Variants in ARHGEF4 observed in about 807,000 individuals in gnomAD.
ARHGEF4 encodes APC-stimulated guanine nucleotide exchange factor 1.
A neutral mutation model predicts 162.0 loss-of-function variants in ARHGEF4; 119 were observed. The observed-to-expected ratio is 0.73, with a 90% CI of 0.63 to 0.86. The LOEUF is 0.86. ARHGEF4 is among the 40% of genes least tolerant of loss of function. The probability of loss-of-function intolerance (pLI) is 0.00; values close to 1 mark genes in which losing one functional copy is unlikely to be tolerated. For missense variants in ARHGEF4, 2,488 were observed against 2,456.0 expected, an observed-to-expected ratio of 1.01 and a Z score of -0.28; for synonymous variants, 1,014 against 979.9, an observed-to-expected ratio of 1.03 and a Z score of -0.65.
chr2:130,976,265 A>G (rs1558794466), intron 4 of ARHGEF4, among the ~76,000 whole-genome samples: 1 of 152,030 alleles, frequency 6.6e-6, no homozygotes, highest in Non-Finnish European at 1.5e-5. Context: ...AGTGTGGTTA[A>G]ACATCGCAGA....
Position 130,915,025 on chromosome 2 carries a change from G to T in ARHGEF4, c.1079G>T (p.Gly360Val), listed in dbSNP as rs776334645. The change falls in exon 2 of 14, where the codon GGG becomes GTG. Residue 360 changes from glycine (G) to valine (V), a missense_variant. Around this residue, in one of 6 missense-constraint regions of ARHGEF4, gnomAD observed 1,642 missense variants for 1,481.5 expected, o/e 1.11. Coordinates refer to ENST00000409359, the MANE Select transcript of ARHGEF4 (RefSeq NM_001367493.1). ...DPVGQNVVKS[G>V]THVKEGAKNE... The stretch of plus-strand genomic sequence containing the variant: ...GTGGGACAGAATGTTGTGAAGTCTG[G>T]GACCCATGTGAAGGAAGGGGCCAAA... The T allele has an allele frequency of 6.4e-7, 1 of 1,550,632 alleles. No homozygotes were observed. Among genetic ancestry groups the T allele is most frequent in the South Asian group, 1.2e-5 (1 of 84,054 alleles).
chr2:130,984,005 T>C (rs1415466188), intron 4 of ARHGEF4, among the ~76,000 whole-genome samples: 1 of 152,154 alleles, frequency 6.6e-6, no homozygotes, highest in East Asian at 1.9e-4. Context: ...ACAATAAGTG[T>C]ACATACAAAT....
At chr2:131,008,526 A>G (rs1452847707) in intron 4 of ARHGEF4, among the ~76,000 whole-genome samples, 5 of 152,154 alleles carry the variant, frequency 3.3e-5, no homozygotes, top group Non-Finnish European at 5.9e-5. Context: ...ATTAACTTTT[A>G]ATGTGATTAT....
chr2:130,979,734 TAAAAAAAAAAA>T (rs776769283), intron 4 of ARHGEF4, among the ~76,000 whole-genome samples: 1 of 92,720 alleles, frequency 1.1e-5, no homozygotes. Context: ...AGACTCCATC[TAAAAAAAAAAA>T]AAAAAAAAAA....
intron 4 of ARHGEF4, among the ~76,000 whole-genome samples, chr2:130,947,462 C>G (rs774948203): frequency 1.3e-5 from 2 of 152,142 alleles, no homozygotes; most frequent in Non-Finnish European, 2.9e-5. Flanking sequence ...TTGAGCAGAA[C>G]TACTGACTGT....
At chr2:130,921,109 G>A (rs1295250714) in intron 2 of ARHGEF4, among the ~76,000 whole-genome samples, 1 of 152,028 alleles carries the variant, frequency 6.6e-6, no homozygotes, top group Non-Finnish European at 1.5e-5. Flanking sequence ...TATGGGTGTG[G>A]GGGTGGCCTG....
At chr2:130,846,859 G>T (rs942029180) in intron 1 of ARHGEF4, among the ~76,000 whole-genome samples, 1 of 152,170 alleles carries the variant, frequency 6.6e-6, no homozygotes, top group African/African-American at 2.4e-5. Context: ...ATCGTGAGGT[G>T]GAAGTTGTGG....
chr2:131,038,463 C>T (rs1237814251), intron 5 of ARHGEF4, among the ~76,000 whole-genome samples: 3 of 149,300 alleles, frequency 2.0e-5, no homozygotes, highest in Non-Finnish European at 3.0e-5. Context: ...GCCTTGCAGC[C>T]CAGCCTCTCC....
intron 4 of ARHGEF4, among the ~76,000 whole-genome samples, chr2:131,010,807 C>T (rs1688401309): frequency 6.6e-6 from 1 of 152,174 alleles, no homozygotes; most frequent in South Asian, 2.1e-4. Flanking sequence ...CTTTGTTGTG[C>T]ACTTGGGACA....
rs1223813921 is a variant in ARHGEF4, at chr2:131,027,937, C to G, written c.3986-8C>G. On this transcript the variant is annotated splice_polypyrimidine_tract_variant and splice_region_variant and intron_variant, in intron 4 of 13. Coordinates refer to ENST00000409359, the MANE Select transcript of ARHGEF4 (RefSeq NM_001367493.1). ...CCCCCTTTGCCCAGCTGCTGTCTCT[C>G]CTTCCAGCCATGCCTGATGGAGCTC... The G allele has an allele frequency of 1.2e-6, 2 of 1,613,498 alleles. No homozygotes were observed. The highest frequency in any genetic ancestry group is 2.7e-5 in the African/African-American group (2 of 74,918).
rs1475433223 is a variant in ARHGEF4 at position 131,044,325 on chromosome 2, C to T, written c.5184C>T (p.Tyr1728=). 8 of 1,610,460 alleles carry T rather than the reference C, an allele frequency of 5.0e-6. No homozygotes were observed. Among genetic ancestry groups the T allele is most frequent in the South Asian group, 1.1e-5 (1 of 90,082 alleles). ...KKDLLRRDVL[Y]YKGRLDMDGL... The stretch of plus-strand genomic sequence containing the variant: ...ACCTGCTCCGCCGCGACGTGTTGTA[C>T]TACAAGGGCCGGCTGGACATGGACG... The change falls in exon 12 of 14, where the codon TAC becomes TAT. Residue 1728 remains tyrosine (Y), a synonymous_variant. Transcript: ENST00000409359.
chr2:130,964,424 G>A (rs544273971), intron 4 of ARHGEF4, among the ~76,000 whole-genome samples: 1 of 151,902 alleles, frequency 6.6e-6, no homozygotes, highest in African/African-American at 2.4e-5. Context: ...TTCTTTTTCT[G>A]GTTTCCTTCT....
chr2:131,030,385 G>C (rs139634964), intron 5 of ARHGEF4, among the ~76,000 whole-genome samples: 62 of 152,348 alleles, frequency 4.1e-4, no homozygotes, highest in Middle Eastern at 3.4e-3. Flanking sequence ...AGGCAATTTA[G>C]ATTTGGATTG....
chr2:130,964,932 G>A (rs1402027462), intron 4 of ARHGEF4, among the ~76,000 whole-genome samples: 2 of 152,276 alleles, frequency 1.3e-5, no homozygotes, highest in Non-Finnish European at 1.5e-5. Context: ...GAGCAAGGAA[G>A]TCAAGAGTGG....
rs534849953 is a variant in ARHGEF4, at chr2:130,976,052, C to T, written c.3985+29417C>T. Among the ~76,000 whole-genome samples, 267 of 152,198 alleles carry T rather than the reference C, an allele frequency of 1.8e-3. 1 individual carries two copies. The highest frequency in any genetic ancestry group is 6.8e-3 in the Middle Eastern group (2 of 294). ...AGCCCAGGGTCGACCTCAGGTCTAT[C>T]CGAATCCCGTGTTTACTCTGCTCGG... is the stretch of plus-strand genomic sequence containing the variant. On this transcript the variant is annotated intron_variant, in intron 4 of 13. Coordinates refer to ENST00000409359, the MANE Select transcript of ARHGEF4 (RefSeq NM_001367493.1).
At chr2:130,984,318 C>T (rs899992495) in intron 4 of ARHGEF4, among the ~76,000 whole-genome samples, 16 of 152,186 alleles carry the variant, frequency 1.1e-4, no homozygotes, top group African/African-American at 3.9e-4. Flanking sequence ...TGGATACATG[C>T]AACTCCAACC....
intron 4 of ARHGEF4, among the ~76,000 whole-genome samples, chr2:130,958,716 A>G (rs1481541076): frequency 2.0e-5 from 3 of 151,476 alleles, no homozygotes; most frequent in Non-Finnish European, 4.4e-5. Context: ...GGCCTTGAAT[A>G]GATGTTTCTT....
rs960824712 is a variant in ARHGEF4 at position 131,041,536 on chromosome 2, G to A, written c.4895+74G>A. The A allele has an allele frequency of 1.6e-4, 235 of 1,469,198 alleles. 1 individual carries two copies. The East Asian group carries it at 5.3e-3, about 33-fold the overall frequency. 91.0% of individuals were successfully genotyped at this position (1,469,198 alleles called of 1,614,324 possible). A position where few individuals can be genotyped will look rare whatever the true frequency, so the allele number is the denominator to read the frequency against. Reference sequence around the variant, plus strand: ...CAGTCAGCCAGTTTGAGCATTAGCAGTGTGCTGGGCACTGCTGCAGCCCTG... The same window carrying A: ...CAGTCAGCCAGTTTGAGCATTAGCAATGTGCTGGGCACTGCTGCAGCCCTG... On this transcript the variant is annotated intron_variant, in intron 9 of 13. Transcript: ENST00000409359.
intron 4 of ARHGEF4, among the ~76,000 whole-genome samples, chr2:131,005,111 G>GCCACC (rs980177218): frequency 6.6e-6 from 1 of 152,192 alleles, no homozygotes; most frequent in Non-Finnish European, 1.5e-5. Context: ...TGAGAGTCCT[G>GCCACC]CCACCCCTCG....
Sources: allele counts gnomAD v4.1 joint callset (sites outside exome capture counted in the v4.1 genomes callset), GRCh38; gene constraint gnomAD v4.1.1; regional missense constraint gnomAD v4.1.1; transcripts MANE v1.5; gene names NCBI Gene and HGNC (gene_info 2026-07-23, HGNC 2026-07-21).